The following CXCL12 variants were observed in gnomAD, a reference collection of about 807,000 sequenced individuals.
CXCL12 encodes C-X-C motif chemokine ligand 12, also known as stromal cell-derived factor 1.
In CXCL12, 4 loss-of-function variants were observed where a neutral mutation model predicts 10.7. The observed-to-expected ratio is 0.37, with a 90% CI of 0.18 to 0.86. The LOEUF is 0.86. Ranked by LOEUF, CXCL12 falls within the 40% of genes least tolerant of loss-of-function variation. The pLI is 0.43. For missense variants in CXCL12, 122 were observed against 110.4 expected, an observed-to-expected ratio of 1.10 and a Z score of -0.47; for synonymous variants, 54 against 45.4, an observed-to-expected ratio of 1.19 and a Z score of -0.77.
downstream of CXCL12, chr10:44,373,416 C>A: frequency 7.4e-7 from 1 of 1,349,916 alleles, no homozygotes; most frequent in Non-Finnish European, 1.0e-6. Context: ...AGAAGGACAG[C>A]GGCCTGCGCG....
intron 1 of CXCL12, 152 bp from the exon 2 acceptor site, chr10:44,381,032 A>G: frequency 1.4e-6 from 1 of 729,430 alleles, no homozygotes; most frequent in South Asian, 1.6e-5. Flanking sequence ...GGGAAAGGCC[A>G]TCTCCTCAGG....
chr10:44,374,533 G>C, downstream of CXCL12: 1 of 456,082 alleles, frequency 2.2e-6, no homozygotes, highest in Non-Finnish European at 4.4e-6. Context: ...AGGAACGTGG[G>C]CCAGGAGAGT....
Position 44,378,427 on chromosome 10 carries a change from C to A in CXCL12, c.*206G>T. The A allele has an allele frequency of 6.4e-7, 1 of 1,551,636 alleles. No homozygotes were observed. The highest frequency in any genetic ancestry group is 1.2e-5 in the South Asian group (1 of 86,930). Reference sequence around the variant, plus strand: ...GGTACAGGGCATGGATGAATATAAGCTGCAATATCATACCGTATGCTATAA... The same window carrying A: ...GGTACAGGGCATGGATGAATATAAGATGCAATATCATACCGTATGCTATAA... On this transcript the variant is annotated 3_prime_UTR_variant, in exon 3 of 3. Coordinates refer to ENST00000343575, the MANE Select transcript of CXCL12 (RefSeq NM_199168.4).
chr10:44,372,963 C>G, downstream of CXCL12: 1 of 1,536,016 alleles, frequency 6.5e-7, no homozygotes, highest in East Asian at 2.4e-5. Flanking sequence ...TAGGGCTGAC[C>G]ATGGGGCCAG....
intron 1 of CXCL12, 92 bp downstream of exon 1, chr10:44,384,853 A>G: frequency 7.5e-7 from 1 of 1,327,632 alleles, no homozygotes; most frequent in Non-Finnish European, 1.0e-6. Flanking sequence ...GGCGGCGCAA[A>G]CTGCGGGCGC....
In CXCL12 at chr10:44,378,205, C is replaced by G; in HGVS notation, c.*428G>C. On this transcript the variant is annotated 3_prime_UTR_variant, in exon 3 of 3. Coordinates refer to ENST00000343575, the MANE Select transcript of CXCL12 (RefSeq NM_199168.4). ...CTGTTAAGCCACCACCTGACTGTGC[C>G]CAGACTCCCCAGGGGAGCAGAGGAG... 1 of 1,434,742 alleles carries G rather than the reference C, an allele frequency of 7.0e-7. No individual in the cohort carries two copies. Among genetic ancestry groups the G allele is most frequent in the Non-Finnish European group, 9.2e-7 (1 of 1,084,254 alleles). 88.9% of individuals were successfully genotyped at this position (1,434,742 alleles called of 1,614,324 possible).
At chr10:44,372,826 G>A (rs1839347559), downstream of CXCL12, 1 of 1,496,036 alleles carries the variant, frequency 6.7e-7, no homozygotes, top group East Asian at 2.5e-5. Flanking sequence ...CATGTGGATG[G>A]AGAAGGGGGT....
At position 44,380,297 on chromosome 10, in the gene CXCL12, A is replaced by T. The variant is rs1588901333; in HGVS notation, c.179+466T>A. On this transcript the variant is annotated intron_variant, in intron 2 of 2. Coordinates refer to ENST00000343575, the MANE Select transcript of CXCL12 (RefSeq NM_199168.4). ...ATGTTGTACTTGAGAAAATACAGGC[A>T]AGTGAGCTGAAAATGTTGAAGTTTC... is the stretch of plus-strand genomic sequence containing the variant. 1.9e-5 allele frequency: 3 copies of T among 161,086 alleles called. No individual in the cohort carries two copies. The East Asian group carries it at 5.1e-4, about 27-fold the overall frequency. 10.0% of individuals were successfully genotyped at this position (161,086 alleles called of 1,614,324 possible). A position where few individuals can be genotyped will look rare whatever the true frequency, so the allele number is the denominator to read the frequency against.
In CXCL12 at chr10:44,378,569, T is replaced by A; in HGVS notation, c.*64A>T. ...CCTCCCCCACGTCTTTGCCCTTTCATCTCTCACAAGGTTTTAGTTTTCCTC... is the reference window on the plus strand; with the variant it reads ...CCTCCCCCACGTCTTTGCCCTTTCAACTCTCACAAGGTTTTAGTTTTCCTC... On this transcript the variant is annotated 3_prime_UTR_variant, in exon 3 of 3. Transcript: ENST00000343575. 6.2e-7 allele frequency: 1 copy of A among 1,610,848 alleles called. No individual in the cohort carries two copies. The highest frequency in any genetic ancestry group is 8.5e-7 in the Non-Finnish European group (1 of 1,177,878).
downstream of CXCL12, chr10:44,376,056 T>C (rs1839441165): frequency 6.3e-7 from 1 of 1,599,378 alleles, no homozygotes; most frequent in Non-Finnish European, 8.5e-7. Context: ...AGTAGAACCA[T>C]TAATAATGTG....
chr10:44,370,422 G>A (rs1197260568), exon 4 of CXCL12: 1 of 152,550 alleles, frequency 6.6e-6, no homozygotes, highest in East Asian at 1.9e-4. Flanking sequence ...AGAGTCCAGC[G>A]AGGTTGCAAA....
downstream of CXCL12, chr10:44,373,008 C>T: frequency 6.5e-7 from 1 of 1,536,058 alleles, no homozygotes; most frequent in Non-Finnish European, 8.7e-7. Context: ...CTGCACAGCT[C>T]AGAGAATACA....
chr10:44,379,480 T>C (rs1405010135), intron 2 of CXCL12, among the ~76,000 whole-genome samples: 1 of 152,194 alleles, frequency 6.6e-6, no homozygotes, highest in African/African-American at 2.4e-5. Context: ...GGTAATCTCA[T>C]GCAGCCCAAG....
chr10:44,382,675 G>T (rs541990773), intron 1 of CXCL12, among the ~76,000 whole-genome samples: 124 of 152,048 alleles, frequency 8.2e-4, no homozygotes, highest in Admixed American at 1.1e-3. Context: ...CAACACACAG[G>T]CTCTCTCTCC....
At position 44,378,714 on chromosome 10, in the gene CXCL12, C is replaced by T. The variant is rs757895439; in HGVS notation, c.189G>A (p.Leu63=). ...TGCACACTTGTCTGTTGTTGTTCTT[C>T]AGCCGGGCTCTGTGAAAACAGAATG... ...PNCALQIVAR[L]KNNNRQVCID... Residue 63 remains leucine, a synonymous_variant, in exon 3 of 3, where the codon CTG becomes CTA. Transcript: ENST00000343575. 32 of 1,614,114 alleles carry T rather than the reference C, an allele frequency of 2.0e-5. No homozygotes were observed. The highest frequency in any genetic ancestry group is 2.5e-5 in the Non-Finnish European group (29 of 1,180,050).
intron 1 of CXCL12, 88 bp downstream of exon 1, chr10:44,384,857 C>T (rs1180880065): frequency 1.5e-6 from 2 of 1,346,786 alleles, no homozygotes; most frequent in Non-Finnish European, 2.0e-6. Flanking sequence ...GCGCAAACTG[C>T]GGGCGCAGGC....
chr10:44,374,429 C>G, downstream of CXCL12: 1 of 454,822 alleles, frequency 2.2e-6, no homozygotes. Context: ...AGGCAGCCCA[C>G]CCAACAGCTC....
rs185780815 is a variant in CXCL12, at chr10:44,378,089, C to T, written c.*544G>A. On this transcript the variant is annotated 3_prime_UTR_variant, in exon 3 of 3. Transcript: ENST00000343575. Reference sequence around the variant, plus strand: ...GGCAGTGGCGGCGCCCAGCCCCAGTCGGTATCTGAGTGCCACAGAGGCCTT... The same window carrying T: ...GGCAGTGGCGGCGCCCAGCCCCAGTTGGTATCTGAGTGCCACAGAGGCCTT... The T allele has an allele frequency of 3.7e-5, 53 of 1,451,642 alleles. 1 individual carries two copies. Among genetic ancestry groups the T allele is most frequent in the Admixed American group, 2.8e-5 (1 of 35,790 alleles). 89.9% of individuals were successfully genotyped at this position (1,451,642 alleles called of 1,614,324 possible).
chr10:44,383,727 G>A (rs912278809), intron 1 of CXCL12, among the ~76,000 whole-genome samples: 14 of 148,758 alleles, frequency 9.4e-5, no homozygotes, highest in African/African-American at 3.0e-4. Flanking sequence ...CACGACCCCA[G>A]GCTGCCCAGC....
Sources: allele counts gnomAD v4.1 joint callset (sites outside exome capture counted in the v4.1 genomes callset), GRCh38; gene constraint gnomAD v4.1.1; transcripts MANE v1.5; gene names NCBI Gene and HGNC (gene_info 2026-07-23, HGNC 2026-07-21).